Variants in RBFOX1 observed in about 807,000 individuals in gnomAD.
RBFOX1 encodes RNA binding protein fox-1 homolog 1.
Under a neutral mutation model 57.7 loss-of-function variants are expected in RBFOX1, and 8 were observed. The observed-to-expected ratio is 0.14, with a 90% CI of 0.08 to 0.25. The LOEUF is 0.25. RBFOX1 is among the 10% of genes least tolerant of loss of function. RBFOX1 has a pLI of 1.00. For missense variants in RBFOX1, 611 were observed against 548.5 expected (o/e 1.11, Z -1.14); for synonymous variants, 326 against 222.4 (o/e 1.47, Z -4.15).
intron 4 of RBFOX1, among the ~76,000 whole-genome samples, chr16:5,922,919 C>G (rs1055620471): frequency 1.3e-5 from 2 of 152,164 alleles, no homozygotes; most frequent in Non-Finnish European, 2.9e-5. Flanking sequence ...TGGATATGCT[C>G]CCACACTTGA....
chr16:5,820,161 A>T (rs2055792354), intron 3 of RBFOX1, among the ~76,000 whole-genome samples: 1 of 152,140 alleles, frequency 6.6e-6, no homozygotes, highest in South Asian at 2.1e-4. Flanking sequence ...CATTTTATAG[A>T]TGGAGGAAGC....
intron 4 of RBFOX1, among the ~76,000 whole-genome samples, chr16:7,052,408 A>G (rs1309812489): frequency 6.6e-6 from 1 of 152,198 alleles, no homozygotes; most frequent in East Asian, 1.9e-4. Context: ...AGTAATAACA[A>G]AGGTCAAAAG....
chr16:7,700,380 A>G (rs549472716), intron 14 of RBFOX1, among the ~76,000 whole-genome samples: 1 of 152,120 alleles, frequency 6.6e-6, no homozygotes, highest in South Asian at 2.1e-4. Context: ...CAACTCAAAG[A>G]GAAGAACTTT....
At chr16:6,021,619 A>T (rs902569286) in intron 1 of RBFOX1, among the ~76,000 whole-genome samples, 5 of 152,128 alleles carry the variant, frequency 3.3e-5, no homozygotes, top group Non-Finnish European at 7.3e-5. Flanking sequence ...AAGTTAGCTT[A>T]TGGTTGCCTC....
intron 3 of RBFOX1, among the ~76,000 whole-genome samples, chr16:6,930,494 C>A (rs772203415): frequency 9.2e-5 from 14 of 151,916 alleles, no homozygotes; most frequent in Non-Finnish European, 8.8e-5. Flanking sequence ...ACTACAACCT[C>A]TGCCTTCTGG....
intron 3 of RBFOX1, among the ~76,000 whole-genome samples, chr16:6,832,247 C>T (rs899121080): frequency 6.6e-6 from 1 of 152,184 alleles, no homozygotes; most frequent in African/African-American, 2.4e-5. Context: ...GGGAACAACA[C>T]AGTGGGATTT....
chr16:6,972,267 C>T lies in RBFOX1; in HGVS notation c.-15-79790C>T, dbSNP rs142691502. Among the ~76,000 whole-genome samples the T allele has an allele frequency of 4.3e-4, 66 of 152,170 alleles. No homozygotes were observed. The East Asian group carries it at 7.7e-3, about 18-fold the overall frequency. On this transcript the variant is annotated intron_variant, in intron 3 of 15. Transcript: ENST00000550418. ...AACTCCCCTTTCTCCCTCTCCCCAG[C>T]CCCTGGTAACTGTCATTCTACTTTT...
chr16:6,441,535 G>C lies in RBFOX1; in HGVS notation c.-64+124478G>C, dbSNP rs562231572. Among the ~76,000 whole-genome samples the C allele has an allele frequency of 2.6e-5, 4 of 152,164 alleles. No homozygotes were observed. In the South Asian group the frequency reaches 8.3e-4, roughly 32 times the overall value. The stretch of plus-strand genomic sequence containing the variant: ...GGATTCAAGCAATTCTCCTGCCTCA[G>C]CCTCCCAAGTAGTTGGGATTACAGG... On this transcript the variant is annotated intron_variant, in intron 2 of 15. Transcript: ENST00000550418.
At position 7,392,197 on chromosome 16, in the gene RBFOX1, C is replaced by G. The variant is rs368696096; in HGVS notation, c.28-125950C>G. Among the ~76,000 whole-genome samples the G allele has an allele frequency of 3.9e-5, 6 of 152,174 alleles. No individual in the cohort carries two copies. The East Asian group carries it at 1.2e-3, about 29-fold the overall frequency. ...AACATTGCATTTTCATAATCATTTTCAGACCTCTGCCTACATGTCCCTTTT... is the reference window on the plus strand; with the variant it reads ...AACATTGCATTTTCATAATCATTTTGAGACCTCTGCCTACATGTCCCTTTT... On this transcript the variant is annotated intron_variant, in intron 4 of 15. Transcript: ENST00000550418.
At chr16:6,981,362 T>C (rs572981506) in intron 3 of RBFOX1, among the ~76,000 whole-genome samples, 12 of 152,262 alleles carry the variant, frequency 7.9e-5, no homozygotes, top group Admixed American at 7.8e-4. Context: ...TTTCTGTTTC[T>C]GTGTTAATTT....
intron 2 of RBFOX1, among the ~76,000 whole-genome samples, chr16:6,417,703 T>TTTC (rs1177190026): frequency 1.3e-4 from 3 of 22,448 alleles, no homozygotes; most frequent in Admixed American, 9.8e-4. Flanking sequence ...AACTCCTTTC[T>TTTC]TTTTAAAAAA....
chr16:5,830,701 A>G (rs887992333), intron 3 of RBFOX1, among the ~76,000 whole-genome samples: 3 of 152,144 alleles, frequency 2.0e-5, no homozygotes, highest in South Asian at 2.1e-4. Context: ...CTGCATCACC[A>G]CTGCCCTAGA....
intron 4 of RBFOX1, among the ~76,000 whole-genome samples, chr16:5,918,195 C>T (rs577402984): frequency 1.3e-5 from 2 of 152,324 alleles, no homozygotes; most frequent in East Asian, 3.9e-4. Flanking sequence ...TCTCAGGTCA[C>T]TGCAACCTCT....
intron 1 of RBFOX1, among the ~76,000 whole-genome samples, chr16:6,292,485 C>A (rs1300712120): frequency 6.6e-6 from 1 of 151,682 alleles, no homozygotes; most frequent in African/African-American, 2.4e-5. Context: ...CAAATACATA[C>A]GTTTGAATAC....
intron 4 of RBFOX1, among the ~76,000 whole-genome samples, chr16:7,393,132 C>T (rs1037695684): frequency 6.6e-6 from 1 of 152,160 alleles, no homozygotes; most frequent in African/African-American, 2.4e-5. Flanking sequence ...CCTCAGCCTC[C>T]TAAAGTGGTG....
chr16:5,463,281 C>G (rs956689333), intron 1 of RBFOX1, among the ~76,000 whole-genome samples: 1 of 152,078 alleles, frequency 6.6e-6, no homozygotes, highest in African/African-American at 2.4e-5. Flanking sequence ...TGGGATCACA[C>G]ATACTGAAAA....
intron 4 of RBFOX1, among the ~76,000 whole-genome samples, chr16:5,912,804 G>A (rs1237428425): frequency 6.6e-6 from 1 of 152,142 alleles, no homozygotes; most frequent in Non-Finnish European, 1.5e-5. Flanking sequence ...AGGAGATTAG[G>A]AGAGCTGGTT....
chr16:6,848,129 G>A lies in RBFOX1; in HGVS notation c.-16+193479G>A, dbSNP rs1317440362. 7.9e-5 allele frequency among the ~76,000 whole-genome samples: 12 copies of A among 151,954 alleles called. No individual in the cohort carries two copies. In the South Asian group the frequency reaches 8.3e-4, roughly 11 times the overall value. ...TTTGCAGGTGTGAGTCATTGTGCCC[G>A]ATCCAAGACTGTCTAATGCTGTGTT... On this transcript the variant is annotated intron_variant, in intron 3 of 15. Coordinates refer to ENST00000550418, the MANE Select transcript of RBFOX1 (RefSeq NM_018723.4).
intron 3 of RBFOX1, among the ~76,000 whole-genome samples, chr16:6,676,391 G>C (rs1405198714): frequency 1.3e-5 from 2 of 152,054 alleles, no homozygotes; most frequent in Admixed American, 6.6e-5. Context: ...CCCCAGTTGG[G>C]TCCTAGCCCA....
Sources: allele counts gnomAD v4.1 joint callset (sites outside exome capture counted in the v4.1 genomes callset), GRCh38; gene constraint gnomAD v4.1.1; transcripts MANE v1.5; gene names NCBI Gene and HGNC (gene_info 2026-07-23, HGNC 2026-07-21).